Variants in KCNH5 observed in about 807,000 individuals in gnomAD.
KCNH5 encodes the protein voltage-gated delayed rectifier potassium channel KCNH5.
Under a neutral mutation model 96.1 loss-of-function variants are expected in KCNH5, and 46 were observed. That is an observed-to-expected ratio of 0.48 (90% CI 0.38 to 0.61). The LOEUF (loss-of-function observed/expected upper bound fraction) is 0.61, where lower values mean the gene tolerates loss of function less well. Ranked by LOEUF, KCNH5 falls within the 20% of genes least tolerant of loss-of-function variation. The pLI is 0.00. For synonymous variants in KCNH5, 439 were observed against 449.8 expected, an observed-to-expected ratio of 0.98 and a Z score of 0.30; for missense variants, 907 against 1,225.8, an observed-to-expected ratio of 0.74 and a Z score of 3.88.
chr14:62,781,946 T>A (rs1432370637), intron 9 of KCNH5, among the ~76,000 whole-genome samples: 1 of 152,188 alleles, frequency 6.6e-6, no homozygotes, highest in East Asian at 1.9e-4. Context: ...CTTTACAACT[T>A]ATGCTTAGAG....
chr14:62,739,056 A>C (rs1885218268), intron 10 of KCNH5, among the ~76,000 whole-genome samples: 1 of 152,176 alleles, frequency 6.6e-6, no homozygotes, highest in Non-Finnish European at 1.5e-5. Context: ...AGAAGAACTT[A>C]GATTTGTGGT....
intron 3 of KCNH5, among the ~76,000 whole-genome samples, chr14:63,005,134 A>C (rs955270204): frequency 2.0e-5 from 3 of 152,170 alleles, no homozygotes; most frequent in Admixed American, 2.0e-4. Flanking sequence ...GACCATTCAG[A>C]AGGGATTGTT....
At chr14:62,899,407 T>C (rs1199835250) in intron 7 of KCNH5, among the ~76,000 whole-genome samples, 2 of 152,114 alleles carry the variant, frequency 1.3e-5, no homozygotes, top group African/African-American at 4.8e-5. Flanking sequence ...GGAGAGTAGA[T>C]TTTAAATGAT....
At chr14:63,031,598 G>A (rs1891627751) in intron 1 of KCNH5, among the ~76,000 whole-genome samples, 1 of 151,990 alleles carries the variant, frequency 6.6e-6, no homozygotes, top group Non-Finnish European at 1.5e-5. Context: ...GGTGGGGAGG[G>A]GAAGGAAATG....
At chr14:62,979,720 T>C (rs541091846) in intron 6 of KCNH5, among the ~76,000 whole-genome samples, 27 of 152,248 alleles carry the variant, frequency 1.8e-4, no homozygotes, top group Non-Finnish European at 3.7e-4. Flanking sequence ...TTGAAATTAC[T>C]GGTTGTATCC....
At chr14:63,044,120 CCAAG>C (rs1276386910) in intron 1 of KCNH5, among the ~76,000 whole-genome samples, 1 of 152,096 alleles carries the variant, frequency 6.6e-6, no homozygotes, top group Non-Finnish European at 1.5e-5. Context: ...TCATTATTCT[CCAAG>C]CAAGAGATGT....
intron 8 of KCNH5, among the ~76,000 whole-genome samples, chr14:62,821,757 G>A (rs553555777): frequency 6.6e-6 from 1 of 152,226 alleles, no homozygotes; most frequent in South Asian, 2.1e-4. Context: ...AGCTGTCACA[G>A]AGTATACAGA....
intron 6 of KCNH5, among the ~76,000 whole-genome samples, chr14:62,979,504 A>T (rs1443998159): frequency 6.6e-6 from 1 of 152,072 alleles, no homozygotes; most frequent in Non-Finnish European, 1.5e-5. Flanking sequence ...GAAAAGTTTC[A>T]ATCTATCTCC....
intron 7 of KCNH5, among the ~76,000 whole-genome samples, chr14:62,925,262 G>A (rs1262297037): frequency 6.6e-6 from 1 of 151,864 alleles, no homozygotes; most frequent in East Asian, 1.9e-4. Flanking sequence ...TGTTTTGCTA[G>A]CCCACTTCAA....
At chr14:62,800,678 T>C (rs1175835080) in intron 9 of KCNH5, among the ~76,000 whole-genome samples, 1 of 152,200 alleles carries the variant, frequency 6.6e-6, no homozygotes, top group Non-Finnish European at 1.5e-5. Flanking sequence ...TTTGGCCTTG[T>C]ATTTTATCCT....
At chr14:62,753,941 A>G (rs1885560996) in intron 10 of KCNH5, among the ~76,000 whole-genome samples, 1 of 152,236 alleles carries the variant, frequency 6.6e-6, no homozygotes, top group Non-Finnish European at 1.5e-5. Context: ...ACAGAAAAAT[A>G]TAGAATATAA....
chr14:62,961,681 G>A (rs1421830785), intron 6 of KCNH5, among the ~76,000 whole-genome samples: 1 of 149,234 alleles, frequency 6.7e-6, no homozygotes, highest in Admixed American at 6.6e-5. Flanking sequence ...CATGAAAATG[G>A]AAATGGAGAT....
chr14:62,987,891 T>C (rs1276988351), intron 4 of KCNH5, among the ~76,000 whole-genome samples: 5 of 152,166 alleles, frequency 3.3e-5, no homozygotes, highest in African/African-American at 1.2e-4. Flanking sequence ...AGAATAAAAC[T>C]GAATTTCAAC....
At chr14:62,947,357 A>G (rs147135868) in intron 7 of KCNH5, among the ~76,000 whole-genome samples, 128 of 152,284 alleles carry the variant, frequency 8.4e-4, no homozygotes, top group Admixed American at 3.5e-3. Context: ...TATCCATTTA[A>G]TTAATCATCA....
intron 7 of KCNH5, among the ~76,000 whole-genome samples, chr14:62,872,525 C>A (rs1888277263): frequency 6.6e-6 from 1 of 151,988 alleles, no homozygotes; most frequent in South Asian, 2.1e-4. Context: ...CTCATCTCTA[C>A]TAAAAAGACC....
In KCNH5 at chr14:62,781,006, A is replaced by C. The variant is rs115921914; in HGVS notation, c.1823-1082T>G. Among the ~76,000 whole-genome samples the C allele has an allele frequency of 9.5e-3, 1,442 of 152,100 alleles. 19 individuals are homozygous for C. Among genetic ancestry groups the C allele is most frequent in the African/African-American group, 0.032 (1,334 of 41,520 alleles). ...CATGCAGATTAAAATCAGAACTAAC[A>C]GGAAAAAAAAAAGAAGAAGACCTTT... On this transcript the variant is annotated intron_variant, in intron 9 of 10. Transcript: ENST00000322893.
intron 10 of KCNH5, among the ~76,000 whole-genome samples, chr14:62,760,078 G>A (rs912447586): frequency 6.6e-6 from 1 of 152,092 alleles, no homozygotes; most frequent in African/African-American, 2.4e-5. Flanking sequence ...CTCATTTTGT[G>A]GAGTTGCAAA....
chr14:62,915,026 C>A (rs1362364055), intron 7 of KCNH5, among the ~76,000 whole-genome samples: 2 of 152,216 alleles, frequency 1.3e-5, no homozygotes, highest in Non-Finnish European at 2.9e-5. Flanking sequence ...ACAGAACAGA[C>A]AATAAGTGTC....
chr14:62,920,616 T>G (rs1444532629), intron 7 of KCNH5, among the ~76,000 whole-genome samples: 1 of 152,062 alleles, frequency 6.6e-6, no homozygotes, highest in African/African-American at 2.4e-5. Context: ...TCAGTGTTGT[T>G]CTGGGTTCAA....
Sources: allele counts gnomAD v4.1 joint callset (sites outside exome capture counted in the v4.1 genomes callset), GRCh38; gene constraint gnomAD v4.1.1; transcripts MANE v1.5; gene names NCBI Gene and HGNC (gene_info 2026-07-23, HGNC 2026-07-21).